The following INPP5F variants were observed in gnomAD, a reference collection of about 807,000 sequenced individuals.
The protein encoded by INPP5F is phosphatidylinositide 4-phosphatase SAC2.
In INPP5F, 97 loss-of-function variants were observed where a neutral mutation model predicts 137.2. The observed-to-expected ratio is 0.71, with a 90% CI of 0.60 to 0.84. INPP5F has a LOEUF of 0.84. INPP5F is among the 40% of genes least tolerant of loss of function. The pLI is 0.00. For synonymous variants in INPP5F, 504 were observed against 476.9 expected, an observed-to-expected ratio of 1.06 and a Z score of -0.74; for missense variants, 1,271 against 1,371.9, an observed-to-expected ratio of 0.93 and a Z score of 1.16.
chr10:119,749,177 G>C (rs1176387795), intron 1 of INPP5F, among the ~76,000 whole-genome samples: 1 of 152,246 alleles, frequency 6.6e-6, no homozygotes, highest in African/African-American at 2.4e-5. Context: ...GAGCCTGTGG[G>C]GAAAGAGGGT....
At position 119,828,866 on chromosome 10, in the gene INPP5F, A is replaced by T. The variant is rs1302616017; in HGVS notation, c.*1086A>T. On this transcript the variant is annotated 3_prime_UTR_variant, in exon 20 of 20. Transcript: ENST00000650623. ...TGTCTCAAAAACAATTTAGTCTGAA[A>T]CACAATTGTGCTGAATCTGTCTGAC... The T allele has an allele frequency of 6.6e-6, 1 of 152,520 alleles. No homozygotes were observed. Among genetic ancestry groups the T allele is most frequent in the African/African-American group, 2.4e-5 (1 of 41,422 alleles). The allele number at this position is 152,520 out of a possible 1,614,324, so 9.4% of individuals were successfully genotyped here.
chr10:119,766,674 TG>T (rs201358217), intron 2 of INPP5F, among the ~76,000 whole-genome samples: 4,245 of 152,204 alleles, frequency 0.028, 100 homozygotes, highest in Non-Finnish European at 0.045. Context: ...ATAGAAACAA[TG>T]GAAGCCAGAA....
intron 9 of INPP5F, among the ~76,000 whole-genome samples, chr10:119,800,347 A>G (rs1251614549): frequency 6.7e-6 from 1 of 149,714 alleles, no homozygotes; most frequent in Admixed American, 6.7e-5. Context: ...CGAGGTCAGG[A>G]GTTTGAGACC....
chr10:119,806,624 C>T, intron 12 of INPP5F, 144 bp downstream of exon 12: 1 of 696,766 alleles, frequency 1.4e-6, no homozygotes, highest in Non-Finnish European at 2.1e-6. Flanking sequence ...GCATTAAAAT[C>T]TGGAAAGCAC....
intron 2 of INPP5F, among the ~76,000 whole-genome samples, chr10:119,764,214 C>T (rs934654511): frequency 6.6e-6 from 1 of 152,194 alleles, no homozygotes; most frequent in Non-Finnish European, 1.5e-5. Context: ...TACCTGGTTC[C>T]AAAGCTGCTT....
chr10:119,827,344 GAAATC>G lies in INPP5F; in HGVS notation c.2968_2972del (p.Gln990AspfsTer7). ...GTGTCTCAGCAGGCTAGTCAGGAAA[GAAATC>G]AAATGACCAATCAAGTTTCAAATGA... On this transcript the variant is annotated frameshift_variant, in exon 20 of 20. Coordinates refer to ENST00000650623, the MANE Select transcript of INPP5F (RefSeq NM_014937.4). LOFTEE classifies it high-confidence loss of function. 1 of 1,614,200 alleles carries G rather than the reference GAAATC, an allele frequency of 6.2e-7. No homozygotes were observed. The highest frequency in any genetic ancestry group is 8.5e-7 in the Non-Finnish European group (1 of 1,180,034).
chr10:119,809,249 C>G (rs1170386729), intron 13 of INPP5F, among the ~76,000 whole-genome samples: 2 of 143,980 alleles, frequency 1.4e-5, no homozygotes, highest in Non-Finnish European at 3.0e-5. Context: ...AAAAAAAAAG[C>G]CTGGTTCAAG....
At chr10:119,778,116 C>T (rs1053122697) in intron 2 of INPP5F, among the ~76,000 whole-genome samples, 3 of 152,146 alleles carry the variant, frequency 2.0e-5, no homozygotes, top group Non-Finnish European at 2.9e-5. Context: ...AAGCAATTCT[C>T]ATGCCTCAGC....
intron 2 of INPP5F, among the ~76,000 whole-genome samples, chr10:119,759,798 G>A (rs1848957336): frequency 6.6e-6 from 1 of 152,216 alleles, no homozygotes; most frequent in Admixed American, 6.5e-5. Context: ...TACATTCTCC[G>A]GTATCTTCTC....
intron 1 of INPP5F, among the ~76,000 whole-genome samples, chr10:119,739,147 A>C (rs1395640205): frequency 6.6e-6 from 1 of 152,192 alleles, no homozygotes; most frequent in African/African-American, 2.4e-5. Context: ...AAGCTGCTGC[A>C]CTTCAGTCTG....
chr10:119,802,812 A>T (rs948228608), intron 9 of INPP5F, among the ~76,000 whole-genome samples: 4 of 152,206 alleles, frequency 2.6e-5, no homozygotes, highest in African/African-American at 9.7e-5. Flanking sequence ...TTTAAAAAAA[A>T]TTGTTTTAAA....
intron 2 of INPP5F, among the ~76,000 whole-genome samples, chr10:119,774,333 A>G (rs776842653): frequency 2.0e-5 from 3 of 150,944 alleles, no homozygotes; most frequent in Non-Finnish European, 4.4e-5. Flanking sequence ...TTAAATTTCT[A>G]TATTAATTTG....
chr10:119,762,796 T>C (rs998004566), intron 2 of INPP5F, among the ~76,000 whole-genome samples: 4 of 152,152 alleles, frequency 2.6e-5, no homozygotes, highest in Non-Finnish European at 2.9e-5. Context: ...CTGTATGAAT[T>C]TGTGGGCACA....
Position 119,756,636 on chromosome 10 carries a change from A to C in INPP5F, c.178+5480A>C, listed in dbSNP as rs560740006. ...GGGCTACAGAGCAAGACTCTGTCAA[A>C]AAAACAAAACAAAACAAAACAAAAA... On this transcript the variant is annotated intron_variant, in intron 2 of 19. Coordinates refer to ENST00000650623, the MANE Select transcript of INPP5F (RefSeq NM_014937.4). 2.6e-4 allele frequency among the ~76,000 whole-genome samples: 40 copies of C among 152,314 alleles called. 2 individuals carry two copies. The South Asian group carries it at 3.9e-3, about 15-fold the overall frequency.
chr10:119,749,052 C>T (rs778215026), intron 1 of INPP5F, among the ~76,000 whole-genome samples: 6 of 152,228 alleles, frequency 3.9e-5, no homozygotes, highest in Non-Finnish European at 7.3e-5. Context: ...AGTGTCCAAG[C>T]CTGTGCACAC....
At chr10:119,807,115 C>G (rs1850824318) in intron 12 of INPP5F, among the ~76,000 whole-genome samples, 1 of 151,884 alleles carries the variant, frequency 6.6e-6, no homozygotes, top group Non-Finnish European at 1.5e-5. Context: ...TACTAAAATC[C>G]CGTCCCTACT....
At chr10:119,781,313 T>G (rs571613752) in intron 2 of INPP5F, among the ~76,000 whole-genome samples, 11 of 152,262 alleles carry the variant, frequency 7.2e-5, no homozygotes, top group East Asian at 3.8e-4. Flanking sequence ...GTCATCGGTA[T>G]TCTCACCTGC....
chr10:119,827,385 GA>G lies in INPP5F; in HGVS notation c.3006del (p.Glu1002AspfsTer13). On this transcript the variant is annotated frameshift_variant, in exon 20 of 20. Coordinates refer to ENST00000650623, the MANE Select transcript of INPP5F (RefSeq NM_014937.4). LOFTEE classifies it high-confidence loss of function. ...TNQVSNETQS[E>X]STEQTPSRPS... Reference sequence around the variant, plus strand: ...TCAAGTTTCAAATGAAACCCAATCAGAATCAACAGAACAGACACCTTCTCGG... The same window carrying G: ...TCAAGTTTCAAATGAAACCCAATCAGATCAACAGAACAGACACCTTCTCGG... The G allele has an allele frequency of 6.2e-7, 1 of 1,614,190 alleles. No individual in the cohort carries two copies. Among genetic ancestry groups the G allele is most frequent in the Non-Finnish European group, 8.5e-7 (1 of 1,180,028 alleles).
At position 119,745,808 on chromosome 10, in the gene INPP5F, G is replaced by A. The variant is rs146845943; in HGVS notation, c.98-5268G>A. Among the ~76,000 whole-genome samples the A allele has an allele frequency of 2.5e-3, 376 of 147,984 alleles. 3 individuals carry two copies. Among genetic ancestry groups the A allele is most frequent in the East Asian group, 0.025 (123 of 4,970 alleles). ...CAACCTCCACCTCCTGGGTTCAAGC[G>A]ATTCTCCTGCCTTAGCCTCCTGAGT... On this transcript the variant is annotated intron_variant, in intron 1 of 19. Coordinates refer to ENST00000650623, the MANE Select transcript of INPP5F (RefSeq NM_014937.4).
Sources: allele counts gnomAD v4.1 joint callset (sites outside exome capture counted in the v4.1 genomes callset), GRCh38; gene constraint gnomAD v4.1.1; transcripts MANE v1.5; gene names NCBI Gene and HGNC (gene_info 2026-07-23, HGNC 2026-07-21).